Variants in MATCAP2 observed in about 807,000 individuals in gnomAD.
MATCAP2 encodes the protein microtubule associated tyrosine carboxypeptidase 2, also known as putative tyrosine carboxypeptidase MATCAP2.
the MATCAP2 span, among the ~76,000 whole-genome samples, chr7:36,339,238 C>A: frequency 1.3e-5 from 2 of 152,180 alleles, no homozygotes; most frequent in East Asian, 3.8e-4. Context: ...TACTGCAAGT[C>A]ATAATTCAAC....
the MATCAP2 span, among the ~76,000 whole-genome samples, chr7:36,341,004 G>A: frequency 6.6e-6 from 1 of 152,180 alleles, no homozygotes; most frequent in East Asian, 1.9e-4. Context: ...TGATTGATGG[G>A]TTACACTGAT....
chr7:36,332,680 C>A, the MATCAP2 span, among the ~76,000 whole-genome samples: 1 of 152,230 alleles, frequency 6.6e-6, no homozygotes, highest in Non-Finnish European at 1.5e-5. Flanking sequence ...GTAGTCCCAG[C>A]ACTTTGGGAG....
chr7:36,350,300 T>TTATG, the MATCAP2 span, among the ~76,000 whole-genome samples: 1 of 152,232 alleles, frequency 6.6e-6, no homozygotes, highest in South Asian at 2.1e-4. Flanking sequence ...TATGTACCTA[T>TTATG]TATGTGTTTT....
chr7:36,376,093 G>A, the MATCAP2 span, among the ~76,000 whole-genome samples: 1 of 152,070 alleles, frequency 6.6e-6, no homozygotes, highest in African/African-American at 2.4e-5. Context: ...ATCTCCTTCA[G>A]TTCTGCTCTG....
At chr7:36,335,312 C>T in the MATCAP2 span, 1 of 849,656 alleles carries the variant, frequency 1.2e-6, no homozygotes, top group Non-Finnish European at 1.9e-6. Context: ...TCCCAGAAAC[C>T]AAGAAGGAAT....
chr7:36,335,273 CTG>C, the MATCAP2 span: 8 of 1,171,238 alleles, frequency 6.8e-6, no homozygotes, highest in Admixed American at 2.1e-5. Flanking sequence ...TAAATTAACA[CTG>C]TTTTTTGTTT....
At chr7:36,327,042 C>CAAAGT in the MATCAP2 span, 1 of 782,894 alleles carries the variant, frequency 1.3e-6, no homozygotes, top group Non-Finnish European at 2.0e-6. Flanking sequence ...TTAATAGCTG[C>CAAAGT]AAAGTAACAA....
chr7:36,379,110 TGTCCAACCA>T, the MATCAP2 span, among the ~76,000 whole-genome samples: 1 of 152,232 alleles, frequency 6.6e-6, no homozygotes, highest in Admixed American at 6.5e-5. Flanking sequence ...CTGCACCCAC[TGTCCAACCA>T]GTACCAATGA....
chr7:36,363,904 A>G, the MATCAP2 span, among the ~76,000 whole-genome samples: 3 of 152,228 alleles, frequency 2.0e-5, no homozygotes, highest in African/African-American at 2.4e-5. Flanking sequence ...TTCAGCTCCT[A>G]TAGAAACACC....
the MATCAP2 span, chr7:36,390,153 TGCGCGCGTGC>T: frequency 6.3e-7 from 1 of 1,577,158 alleles, no homozygotes; most frequent in Non-Finnish European, 8.6e-7. Context: ...GGCGCGTGTG[TGCGCGCGTGC>T]GCAGTGTGTG....
the MATCAP2 span, among the ~76,000 whole-genome samples, chr7:36,330,728 A>G: frequency 6.6e-6 from 1 of 152,356 alleles, no homozygotes; most frequent in South Asian, 2.1e-4. Flanking sequence ...AAAAATATGT[A>G]TACACAAATA....
At chr7:36,372,500 T>C in the MATCAP2 span, among the ~76,000 whole-genome samples, 2 of 152,204 alleles carry the variant, frequency 1.3e-5, no homozygotes, top group Non-Finnish European at 2.9e-5. Context: ...AATAAAAGAA[T>C]GCTTTGTGAA....
At chr7:36,352,556 G>A in the MATCAP2 span, among the ~76,000 whole-genome samples, 74 of 148,866 alleles carry the variant, frequency 5.0e-4, no homozygotes, top group African/African-American at 1.8e-3. Flanking sequence ...GGCCGGGCAC[G>A]GTGGCTCATG....
the MATCAP2 span, among the ~76,000 whole-genome samples, chr7:36,387,903 C>T: frequency 4.7e-4 from 71 of 152,226 alleles, no homozygotes; most frequent in African/African-American, 1.6e-3. Flanking sequence ...CAGACACGCC[C>T]CAAATACATA....
the MATCAP2 span, among the ~76,000 whole-genome samples, chr7:36,343,702 GAAAGA>G: frequency 4.7e-5 from 7 of 149,210 alleles, no homozygotes; most frequent in East Asian, 1.4e-3. Context: ...AAGGAAGGAA[GAAAGA>G]AAAGGAAAGA....
the MATCAP2 span, among the ~76,000 whole-genome samples, chr7:36,331,515 C>G: frequency 6.6e-6 from 1 of 152,112 alleles, no homozygotes; most frequent in African/African-American, 2.4e-5. Flanking sequence ...AGTGGAGAGA[C>G]GCAGGGTTTT....
chr7:36,382,059 G>A, the MATCAP2 span, among the ~76,000 whole-genome samples: 4 of 151,826 alleles, frequency 2.6e-5, no homozygotes, highest in South Asian at 2.1e-4. Context: ...TTGGAAGGCC[G>A]AGGTGGGCAG....
At chr7:36,360,653 T>G in the MATCAP2 span, among the ~76,000 whole-genome samples, 1 of 152,212 alleles carries the variant, frequency 6.6e-6, no homozygotes, top group African/African-American at 2.4e-5. Flanking sequence ...TGTATTTCAG[T>G]TACATTAAAA....
chr7:36,361,935 G>A, the MATCAP2 span, among the ~76,000 whole-genome samples: 1 of 152,184 alleles, frequency 6.6e-6, no homozygotes, highest in Non-Finnish European at 1.5e-5. Context: ...CCATTTATAT[G>A]TACTCCAAAA....
Sources: allele counts gnomAD v4.1 joint callset (sites outside exome capture counted in the v4.1 genomes callset), GRCh38; gene constraint gnomAD v4.1.1; transcripts MANE v1.5; gene names NCBI Gene and HGNC (gene_info 2026-07-23, HGNC 2026-07-21).